Variants in GPR89B observed in about 807,000 individuals in gnomAD.
GPR89B encodes the protein golgi pH regulator B, also known as G protein-coupled receptor 89B.
Under a neutral mutation model 52.4 loss-of-function variants are expected in GPR89B, and 25 were observed. The observed-to-expected ratio is 0.48, with a 90% CI of 0.35 to 0.67. The LOEUF is 0.67. Ranked by LOEUF, GPR89B falls within the 30% of genes least tolerant of loss-of-function variation. The probability of loss-of-function intolerance (pLI) is 0.01; values close to 1 mark genes in which losing one functional copy is unlikely to be tolerated. For synonymous variants in GPR89B, 52 were observed against 151.2 expected (o/e 0.34, Z 4.81); for missense variants, 146 against 450.2 (o/e 0.32, Z 6.11).
downstream of GPR89B, among the ~76,000 whole-genome samples, chr1:147,997,138 C>G (rs1257490868): frequency 5.5e-3 from 835 of 152,308 alleles, 8 homozygotes; most frequent in African/African-American, 0.019. Flanking sequence ...GTACCTCATG[C>G]AGAGTACATT....
At chr1:147,978,707 G>C (rs1553253977) in intron 10 of GPR89B, among the ~76,000 whole-genome samples, 1 of 151,904 alleles carries the variant, frequency 6.6e-6, no homozygotes. Context: ...GCCTCGCCTA[G>C]TGAGGAGGAA....
the GPR89B span, among the ~76,000 whole-genome samples, chr1:148,012,556 G>A: frequency 4.1e-5 from 6 of 144,686 alleles, no homozygotes; most frequent in South Asian, 2.2e-4. Context: ...GAGGAAAGTC[G>A]GGTTTGGGAG....
chr1:147,997,799 G>A (rs1659352222), downstream of GPR89B, among the ~76,000 whole-genome samples: 1 of 152,138 alleles, frequency 6.6e-6, no homozygotes, highest in South Asian at 2.1e-4. Flanking sequence ...GTAATAATTG[G>A]TGAGAGGGTG....
intron 3 of GPR89B, among the ~76,000 whole-genome samples, chr1:147,942,583 AAT>A (rs1225044446): frequency 1.6e-4 from 24 of 151,784 alleles, no homozygotes; most frequent in Non-Finnish European, 3.4e-4. Flanking sequence ...GCAGAAACAA[AAT>A]ATAATATATC....
intron 5 of GPR89B, among the ~76,000 whole-genome samples, chr1:147,951,392 T>A (rs1188711609): frequency 3.3e-5 from 5 of 151,990 alleles, no homozygotes; most frequent in Non-Finnish European, 7.4e-5. Flanking sequence ...TAAAGAAGAA[T>A]GGGAAGAAAG....
chr1:147,972,887 A>G lies in GPR89B; in HGVS notation c.909+2928A>G, dbSNP rs1317628859. 7.1e-3 allele frequency among the ~76,000 whole-genome samples: 1,047 copies of G among 147,734 alleles called. 11 individuals are homozygous for G. Among genetic ancestry groups the G allele is most frequent in the African/African-American group, 0.026 (999 of 38,774 alleles). On this transcript the variant is annotated intron_variant, in intron 10 of 13. Coordinates refer to ENST00000314163, the MANE Select transcript of GPR89B (RefSeq NM_016334.5). ...TGTGTGTTCACATTGTTCAGTTCCCACTTATAAGTGAGAACATGTGATATT... is the reference window on the plus strand; with the variant it reads ...TGTGTGTTCACATTGTTCAGTTCCCGCTTATAAGTGAGAACATGTGATATT...
At chr1:147,968,713 G>A in intron 8 of GPR89B, 162 bp from the exon 9 acceptor site, 2 of 1,040,248 alleles carry the variant, frequency 1.9e-6, no homozygotes, top group Non-Finnish European at 1.4e-6. Context: ...TCAGAGGTTG[G>A]GAAAGTTGCT....
the GPR89B span, among the ~76,000 whole-genome samples, chr1:148,006,201 C>T: frequency 4.8e-5 from 7 of 146,794 alleles, no homozygotes; most frequent in Non-Finnish European, 1.0e-4. Flanking sequence ...GCCTTGGCCC[C>T]TTGCACCAGA....
intron 7 of GPR89B, among the ~76,000 whole-genome samples, chr1:147,958,508 G>T (rs1460096580): frequency 1.2e-5 from 1 of 86,708 alleles, no homozygotes; most frequent in African/African-American, 6.3e-5. Context: ...GCATAGTGGT[G>T]CATGCCTGTA....
At chr1:147,943,313 A>G in intron 3 of GPR89B, 125 bp from the exon 4 acceptor site, 2 of 1,445,746 alleles carry the variant, frequency 1.4e-6, no homozygotes, top group Non-Finnish European at 1.9e-6. Flanking sequence ...AGAGCCTAGT[A>G]GGCTGATTAG....
chr1:147,954,692 T>A (rs1213244008), intron 7 of GPR89B, among the ~76,000 whole-genome samples: 51 of 152,382 alleles, frequency 3.3e-4, no homozygotes, highest in African/African-American at 5.5e-4. Flanking sequence ...AAAATTTTTT[T>A]AAAAAGATTT....
chr1:147,969,791 T>C, intron 9 of GPR89B, 76 bp from the exon 10 acceptor site: 4 of 1,509,400 alleles, frequency 2.7e-6, no homozygotes, highest in Non-Finnish European at 3.6e-6. Context: ...CAGTGATTCA[T>C]AGAGGGAAGA....
intron 7 of GPR89B, among the ~76,000 whole-genome samples, chr1:147,965,956 C>T (rs1657003306): frequency 1.3e-5 from 2 of 151,918 alleles, no homozygotes; most frequent in African/African-American, 2.4e-5. Flanking sequence ...AAGCGATTCT[C>T]CTGCCTCAGC....
chr1:147,948,157 C>CA (rs1473393731), intron 5 of GPR89B, among the ~76,000 whole-genome samples: 1 of 151,206 alleles, frequency 6.6e-6, no homozygotes, highest in Non-Finnish European at 1.5e-5. Flanking sequence ...TAATGTAGTG[C>CA]AAACAGTTAG....
chr1:148,007,583 T>C, the GPR89B span, among the ~76,000 whole-genome samples: 2 of 145,394 alleles, frequency 1.4e-5, no homozygotes, highest in Non-Finnish European at 3.0e-5. Flanking sequence ...TTAACTACAG[T>C]CACCCCACTG....
At chr1:148,014,259 C>T in the GPR89B span, among the ~76,000 whole-genome samples, 1 of 151,806 alleles carries the variant, frequency 6.6e-6, no homozygotes, top group Non-Finnish European at 1.5e-5. Flanking sequence ...GGCTTTTTTG[C>T]TATAGCCAAA....
intron 7 of GPR89B, among the ~76,000 whole-genome samples, chr1:147,961,760 C>T (rs1656586475): frequency 6.6e-6 from 1 of 151,946 alleles, no homozygotes; most frequent in African/African-American, 2.4e-5. Context: ...AGAAGTCTAA[C>T]AAAACATGTA....
chr1:147,966,296 C>T (rs1657037273), intron 7 of GPR89B, among the ~76,000 whole-genome samples: 1 of 151,604 alleles, frequency 6.6e-6, no homozygotes, highest in Non-Finnish European at 1.5e-5. Flanking sequence ...AACTCTAAGA[C>T]CTCCCAGCTT....
At chr1:147,956,719 G>T (rs1441457292) in intron 7 of GPR89B, among the ~76,000 whole-genome samples, 1 of 151,602 alleles carries the variant, frequency 6.6e-6, no homozygotes, top group Non-Finnish European at 1.5e-5. Flanking sequence ...TGTATTCAAA[G>T]AATGGAATAT....
Sources: gnomAD v4.1 joint callset for allele counts (sites outside exome capture counted in the v4.1 genomes callset) on GRCh38, gnomAD v4.1.1 for gene constraint, MANE v1.5 for transcripts, NCBI Gene and HGNC (gene_info 2026-07-23, HGNC 2026-07-21) for gene names.